DNAJC5: variants seen among roughly 807,000 people sequenced by gnomAD.
DNAJC5 encodes DnaJ heat shock protein family (Hsp40) member C5, also known as dnaJ homolog subfamily C member 5.
DNAJC5 carries 1 observed loss-of-function variant against 23.2 expected under a neutral mutation model. The ratio of observed to expected loss-of-function variants is 0.04; its 90% CI spans 0.02 to 0.20. DNAJC5 has a LOEUF of 0.20. DNAJC5 is among the 10% of genes least tolerant of loss of function. The pLI is 1.00. For synonymous variants in DNAJC5, 136 were observed against 120.0 expected, an observed-to-expected ratio of 1.13 and a Z score of -0.87; for missense variants, 180 against 267.0, an observed-to-expected ratio of 0.67 and a Z score of 2.27.
Position 63,928,214 on chromosome 20 carries a change from C to A in DNAJC5, c.-11-121C>A. 2.5e-6 allele frequency: 2 copies of A among 816,014 alleles called. No individual in the cohort carries two copies. The highest frequency in any genetic ancestry group is 4.1e-6 in the Non-Finnish European group (2 of 491,618). 50.5% of individuals were successfully genotyped at this position (816,014 alleles called of 1,614,324 possible). A position where few individuals can be genotyped will look rare whatever the true frequency, so the allele number is the denominator to read the frequency against. On this transcript the variant is annotated intron_variant, in intron 1 of 4. Coordinates refer to ENST00000360864, the MANE Select transcript of DNAJC5 (RefSeq NM_025219.3). This position sits in a 1 kb window ranked among gnomAD's most constrained non-coding sequence, Gnocchi z 4.6. The stretch of plus-strand genomic sequence containing the variant: ...GGCGTCTGTCTGTGCACGTGGCAAA[C>A]TCCACAAGGCAGTGTTGGATTCTTT...
rs1289184632 is a variant in DNAJC5 at position 63,931,408 on chromosome 20, G to A, written c.494-57G>A. Reference sequence around the variant, plus strand: ...CCGAAAGTCGCTCCACAGGACCAGCGTTGGGTGCGCGCCAGGCTGTGGCCC... The same window carrying A: ...CCGAAAGTCGCTCCACAGGACCAGCATTGGGTGCGCGCCAGGCTGTGGCCC... On this transcript the variant is annotated intron_variant, in intron 4 of 4. Coordinates refer to ENST00000360864, the MANE Select transcript of DNAJC5 (RefSeq NM_025219.3). The surrounding 1 kb of genome is among the most constrained non-coding windows in gnomAD (Gnocchi z 9.6). 6.0e-6 allele frequency: 9 copies of A among 1,488,782 alleles called. No individual in the cohort carries two copies. The highest frequency in any genetic ancestry group is 2.5e-5 in the East Asian group (1 of 40,692). 92.2% of individuals were successfully genotyped at this position (1,488,782 alleles called of 1,614,324 possible).
At chr20:63,921,137 T>G (rs895768045) in intron 1 of DNAJC5, among the ~76,000 whole-genome samples, 3 of 152,042 alleles carry the variant, frequency 2.0e-5, no homozygotes, top group Admixed American at 6.6e-5. Context: ...TTTTGCATTT[T>G]TAGTAGAGAT....
At chr20:63,925,752 C>G (rs2053607569) in intron 1 of DNAJC5, among the ~76,000 whole-genome samples, 1 of 110,718 alleles carries the variant, frequency 9.0e-6, no homozygotes, top group African/African-American at 5.3e-5. Flanking sequence ...GCGAGACTAT[C>G]TCAAAACCCC....
intron 1 of DNAJC5, among the ~76,000 whole-genome samples, chr20:63,900,646 A>C (rs951864460): frequency 6.6e-6 from 1 of 151,398 alleles, no homozygotes; most frequent in African/African-American, 2.4e-5. Context: ...ACAGACCTGC[A>C]TATGCCACAA....
At position 63,924,741 on chromosome 20, in the gene DNAJC5, C is replaced by T. The variant is rs115918516; in HGVS notation, c.-11-3594C>T. ...GTGCGTGCCTGTAGTCCCGTGCCTG[C>T]GGCATGGGAATGGGTTGAGCCTGGG... On this transcript the variant is annotated intron_variant, in intron 1 of 4. Coordinates refer to ENST00000360864, the MANE Select transcript of DNAJC5 (RefSeq NM_025219.3). 8.3e-3 allele frequency among the ~76,000 whole-genome samples: 1,263 copies of T among 152,182 alleles called. 14 individuals are homozygous for T. Among genetic ancestry groups the T allele is most frequent in the African/African-American group, 0.026 (1,091 of 41,518 alleles).
intron 1 of DNAJC5, among the ~76,000 whole-genome samples, chr20:63,898,227 G>T (rs2053387102): frequency 6.6e-6 from 1 of 152,196 alleles, no homozygotes; most frequent in African/African-American, 2.4e-5. Context: ...CCTGGGGTTA[G>T]CAGTTGGTGT....
intron 3 of DNAJC5, among the ~76,000 whole-genome samples, chr20:63,930,387 TC>T (rs1393863645): frequency 6.6e-5 from 10 of 151,956 alleles, no homozygotes; most frequent in African/African-American, 2.2e-4. Flanking sequence ...TCGCTCTGTT[TC>T]CCAGGCTGGA....
intron 1 of DNAJC5, among the ~76,000 whole-genome samples, chr20:63,927,539 C>T (rs953619789): frequency 3.4e-5 from 5 of 148,830 alleles, no homozygotes; most frequent in African/African-American, 9.9e-5. Flanking sequence ...AAACTGTCCC[C>T]CCCCCCAAAA....
chr20:63,916,311 A>G (rs1429384370), intron 1 of DNAJC5, among the ~76,000 whole-genome samples: 1 of 152,218 alleles, frequency 6.6e-6, no homozygotes, highest in Non-Finnish European at 1.5e-5. Flanking sequence ...AGTGTCGGCC[A>G]GCTGAGAAAT....
In DNAJC5 at chr20:63,929,176, G is replaced by T. The variant is rs2053640162; in HGVS notation, c.108-136G>T. 2.9e-6 allele frequency: 3 copies of T among 1,019,638 alleles called. No individual in the cohort carries two copies. In the South Asian group the frequency reaches 4.1e-5, roughly 14 times the overall value. 63.2% of individuals were successfully genotyped at this position (1,019,638 alleles called of 1,614,324 possible). On this transcript the variant is annotated intron_variant, in intron 2 of 4. Coordinates refer to ENST00000360864, the MANE Select transcript of DNAJC5 (RefSeq NM_025219.3). The surrounding 1 kb of genome is among the most constrained non-coding windows in gnomAD (Gnocchi z 8.6). Reference sequence around the variant, plus strand: ...TGTCCCTGGCCCCTGCAGCCCTGGAGAGTCGGACAGTGAGGTGGCCTGGGT... The same window carrying T: ...TGTCCCTGGCCCCTGCAGCCCTGGATAGTCGGACAGTGAGGTGGCCTGGGT...
chr20:63,931,562 C>T lies in DNAJC5; in HGVS notation c.591C>T (p.Phe197=). ...ACCCCAGCTACCACACTGACGGGTTCAACTAAATCCAGGAGGAGCTGTGGT... is the reference window on the plus strand; with the variant it reads ...ACCCCAGCTACCACACTGACGGGTTTAACTAAATCCAGGAGGAGCTGTGGT... ...DSHPSYHTDG[F]N Residue 197 remains phenylalanine (F), a synonymous_variant, in exon 5 of 5, where the codon TTC becomes TTT. Transcript: ENST00000360864. The surrounding 1 kb of genome is among the most constrained non-coding windows in gnomAD (Gnocchi z 9.6). 1.3e-6 allele frequency: 2 copies of T among 1,566,006 alleles called. No homozygotes were observed. The highest frequency in any genetic ancestry group is 2.4e-5 in the East Asian group (1 of 42,124).
At chr20:63,907,345 C>T (rs143007847) in intron 1 of DNAJC5, among the ~76,000 whole-genome samples, 347 of 152,250 alleles carry the variant, frequency 2.3e-3, no homozygotes, top group Non-Finnish European at 3.5e-3. Context: ...GTCTTCTTAG[C>T]CGAAAAGCAC....
chr20:63,904,928 A>T (rs66918877), intron 1 of DNAJC5, among the ~76,000 whole-genome samples: 24 of 135,402 alleles, frequency 1.8e-4, no homozygotes, highest in East Asian at 1.6e-3. Context: ...CTCAGCCTCC[A>T]GAGTAGCTGG....
intron 1 of DNAJC5, among the ~76,000 whole-genome samples, chr20:63,907,383 A>G (rs2053454661): frequency 6.6e-6 from 1 of 152,168 alleles, no homozygotes; most frequent in South Asian, 2.1e-4. Context: ...GCTAACATTA[A>G]CTGTGTGCCT....
intron 1 of DNAJC5, among the ~76,000 whole-genome samples, chr20:63,896,510 AG>A (rs2053376636): frequency 6.6e-6 from 1 of 152,098 alleles, no homozygotes. Flanking sequence ...GCAGCGTCTG[AG>A]TCCACCCACC....
intron 1 of DNAJC5, among the ~76,000 whole-genome samples, chr20:63,900,135 C>T (rs1355430207): frequency 2.0e-5 from 3 of 151,856 alleles, no homozygotes; most frequent in Admixed American, 6.6e-5. Flanking sequence ...GTGATCCACC[C>T]ACTTTGGCCT....
At chr20:63,898,828 G>A (rs1451649468) in intron 1 of DNAJC5, among the ~76,000 whole-genome samples, 2 of 152,190 alleles carry the variant, frequency 1.3e-5, no homozygotes, top group African/African-American at 4.8e-5. Context: ...GCGACAGAGC[G>A]AGACTCCCTC....
intron 1 of DNAJC5, among the ~76,000 whole-genome samples, chr20:63,896,486 G>A (rs1257256815): frequency 6.6e-6 from 1 of 152,170 alleles, no homozygotes; most frequent in African/African-American, 2.4e-5. Context: ...CCTGGCGAGG[G>A]TGTTAATGAG....
At chr20:63,903,053 A>G (rs2053425097) in intron 1 of DNAJC5, among the ~76,000 whole-genome samples, 1 of 151,998 alleles carries the variant, frequency 6.6e-6, no homozygotes, top group Admixed American at 6.6e-5. Flanking sequence ...GTCTTAGCTC[A>G]CTGCATTCTC....
Sources: allele counts gnomAD v4.1 joint callset (sites outside exome capture counted in the v4.1 genomes callset), GRCh38; gene constraint gnomAD v4.1.1; non-coding constraint Gnocchi (gnomAD v3.1); transcripts MANE v1.5; gene names NCBI Gene and HGNC (gene_info 2026-07-23, HGNC 2026-07-21).